BNC2: variants seen among roughly 807,000 people sequenced by gnomAD.
BNC2 encodes zinc finger protein basonuclin-2.
A neutral mutation model predicts 76.3 loss-of-function variants in BNC2; 20 were observed. That is an observed-to-expected ratio of 0.26 (90% CI 0.18 to 0.38). BNC2 has a LOEUF of 0.38. Among genes scored for constraint, BNC2 ranks in the 10% least tolerant of loss-of-function variants. The pLI is 1.00. For missense variants in BNC2, 1,382 were observed against 1,399.8 expected (o/e 0.99, Z 0.20); for synonymous variants, 582 against 514.8 (o/e 1.13, Z -1.77).
intron 5 of BNC2, among the ~76,000 whole-genome samples, chr9:16,456,022 T>G (rs549530944): frequency 1.9e-4 from 28 of 151,132 alleles, no homozygotes; most frequent in Non-Finnish European, 3.1e-4. Flanking sequence ...CTGCTTAGGA[T>G]CAACAGGTAG....
At chr9:16,859,829 G>A (rs1038274476) in intron 1 of BNC2, among the ~76,000 whole-genome samples, 1 of 152,182 alleles carries the variant, frequency 6.6e-6, no homozygotes, top group African/African-American at 2.4e-5. Flanking sequence ...ACTTAAAAAT[G>A]GTTAACATGG....
At chr9:16,583,957 T>C (rs1819700137) in intron 3 of BNC2, among the ~76,000 whole-genome samples, 1 of 152,212 alleles carries the variant, frequency 6.6e-6, no homozygotes, top group Admixed American at 6.6e-5. Flanking sequence ...AAATGGAGTG[T>C]AACTTTTTAT....
intron 3 of BNC2, among the ~76,000 whole-genome samples, chr9:16,703,926 T>C (rs957610923): frequency 7.9e-5 from 12 of 152,134 alleles, no homozygotes; most frequent in Non-Finnish European, 1.8e-4. Flanking sequence ...CAAGTATATA[T>C]GTATTATTAA....
intron 4 of BNC2, among the ~76,000 whole-genome samples, chr9:16,553,687 G>A (rs1352647699): frequency 6.6e-6 from 1 of 152,078 alleles, no homozygotes; most frequent in Non-Finnish European, 1.5e-5. Context: ...ACAATTGGGT[G>A]CTTTTTCTCC....
At chr9:16,442,609 A>G (rs1344970007) in intron 5 of BNC2, among the ~76,000 whole-genome samples, 1 of 152,176 alleles carries the variant, frequency 6.6e-6, no homozygotes, top group Non-Finnish European at 1.5e-5. Flanking sequence ...GAGAAACCAA[A>G]TAAGGGGCTT....
chr9:16,612,746 G>A (rs1382130207), intron 3 of BNC2, among the ~76,000 whole-genome samples: 3 of 152,134 alleles, frequency 2.0e-5, no homozygotes, highest in African/African-American at 7.2e-5. Context: ...AAATGCTTTA[G>A]GGTTCAGGGG....
intron 3 of BNC2, among the ~76,000 whole-genome samples, chr9:16,604,885 C>T (rs1169349996): frequency 6.6e-6 from 1 of 152,104 alleles, no homozygotes; most frequent in African/African-American, 2.4e-5. Context: ...GAAACCAGAC[C>T]TTGTAAAACA....
At chr9:16,423,793 C>T (rs1820752905) in intron 6 of BNC2, among the ~76,000 whole-genome samples, 1 of 152,150 alleles carries the variant, frequency 6.6e-6, no homozygotes, top group Non-Finnish European at 1.5e-5. Flanking sequence ...TGAAAAAGCC[C>T]TGTAACTTGG....
chr9:16,723,192 C>A (rs1824214312), intron 3 of BNC2, among the ~76,000 whole-genome samples: 1 of 152,034 alleles, frequency 6.6e-6, no homozygotes, highest in South Asian at 2.1e-4. Context: ...AACATACTAA[C>A]TGTAAGGAAG....
At chr9:16,740,860 A>G (rs1159985810) in intron 1 of BNC2, among the ~76,000 whole-genome samples, 1 of 150,410 alleles carries the variant, frequency 6.6e-6, no homozygotes, top group Non-Finnish European at 1.5e-5. Context: ...GAAAAAAGAA[A>G]CCCTTTTTTT....
intron 5 of BNC2, among the ~76,000 whole-genome samples, chr9:16,511,105 C>CTTT (rs34511398): frequency 0.052 from 6,520 of 125,080 alleles, 295 homozygotes; most frequent in East Asian, 0.25. Context: ...ACTAAACTTA[C>CTTT]TTTTTTTTTT....
chr9:16,582,089 G>A (rs1407135014), intron 4 of BNC2, among the ~76,000 whole-genome samples: 1 of 152,104 alleles, frequency 6.6e-6, no homozygotes, highest in African/African-American at 2.4e-5. Context: ...TGGATGTTTG[G>A]CACTGCTTGG....
intron 1 of BNC2, among the ~76,000 whole-genome samples, chr9:16,813,264 C>A (rs1244400907): frequency 6.6e-6 from 1 of 151,196 alleles, no homozygotes; most frequent in Non-Finnish European, 1.5e-5. Flanking sequence ...AGCAGAAAAA[C>A]CATTTTTTTT....
intron 5 of BNC2, among the ~76,000 whole-genome samples, chr9:16,528,517 T>G (rs1817880424): frequency 6.6e-6 from 1 of 152,216 alleles, no homozygotes; most frequent in African/African-American, 2.4e-5. Flanking sequence ...TCTACTTTGT[T>G]TATGGTCCAG....
chr9:16,823,356 C>T (rs1327170944), intron 1 of BNC2, among the ~76,000 whole-genome samples: 1 of 141,810 alleles, frequency 7.1e-6, no homozygotes, highest in Non-Finnish European at 1.5e-5. Context: ...TTTGGGAGGC[C>T]AAGGTGGGAG....
chr9:16,679,980 G>C (rs982070728), intron 3 of BNC2, among the ~76,000 whole-genome samples: 4 of 152,156 alleles, frequency 2.6e-5, no homozygotes, highest in African/African-American at 9.7e-5. Flanking sequence ...TTGGTTCTTA[G>C]TAATTTTGTT....
At chr9:16,674,882 A>C (rs1822591322) in intron 3 of BNC2, among the ~76,000 whole-genome samples, 1 of 152,194 alleles carries the variant, frequency 6.6e-6, no homozygotes, top group Admixed American at 6.5e-5. Context: ...TCCACTGTTC[A>C]GTTGTCTATA....
intron 5 of BNC2, among the ~76,000 whole-genome samples, chr9:16,459,938 G>A (rs1217671381): frequency 2.0e-5 from 3 of 152,116 alleles, no homozygotes; most frequent in African/African-American, 4.8e-5. Context: ...AAATGAAAGA[G>A]GTAAAAATAT....
At chr9:16,733,308 C>A (rs1824567091) in intron 2 of BNC2, among the ~76,000 whole-genome samples, 2 of 152,150 alleles carry the variant, frequency 1.3e-5, no homozygotes, top group African/African-American at 2.4e-5. Context: ...TGACAGCAAG[C>A]TTTTTCCCTT....
Sources: allele counts gnomAD v4.1 joint callset (sites outside exome capture counted in the v4.1 genomes callset), GRCh38; gene constraint gnomAD v4.1.1; transcripts MANE v1.5; gene names NCBI Gene and HGNC (gene_info 2026-07-23, HGNC 2026-07-21).